Variants in HPSE2 observed in about 807,000 individuals in gnomAD.
HPSE2 encodes inactive heparanase-2.
HPSE2 carries 38 observed loss-of-function variants against 60.5 expected under a neutral mutation model. The ratio of observed to expected loss-of-function variants is 0.63; its 90% CI spans 0.48 to 0.82. HPSE2 has a LOEUF of 0.82. Ranked by LOEUF, HPSE2 falls within the 40% of genes least tolerant of loss-of-function variation. HPSE2 has a pLI of 0.00. For missense variants in HPSE2, 713 were observed against 740.4 expected, an observed-to-expected ratio of 0.96 and a Z score of 0.43; for synonymous variants, 295 against 293.2, an observed-to-expected ratio of 1.01 and a Z score of -0.06.
chr10:98,998,189 C>A, intron 3 of HPSE2, among the ~76,000 whole-genome samples: 1 of 152,190 alleles, frequency 6.6e-6, no homozygotes, highest in East Asian at 1.9e-4. Context: ...TATATTTCAT[C>A]ACAGGCAAAT....
rs563269987 is a variant in HPSE2, at chr10:98,940,391, T to C, written c.611-196335A>G. Among the ~76,000 whole-genome samples, 313 of 142,800 alleles carry C rather than the reference T, an allele frequency of 2.2e-3. 55 individuals carry two copies. Among genetic ancestry groups the C allele is most frequent in the African/African-American group, 8.6e-3 (298 of 34,820 alleles). 93.7% of individuals were successfully genotyped at this position (142,800 alleles called of 152,430 possible). On this transcript the variant is annotated intron_variant, in intron 3 of 11. Transcript: ENST00000370552. ...ATCAAATAGACGCAATAAAAAATGA[T>C]AAAGGGGATATCACCACCGATCCCA... is the stretch of plus-strand genomic sequence containing the variant.
chr10:98,760,992 T>C (rs1308235934), intron 3 of HPSE2, among the ~76,000 whole-genome samples: 1 of 152,098 alleles, frequency 6.6e-6, no homozygotes, highest in Non-Finnish European at 1.5e-5. Flanking sequence ...AGAATCTTAC[T>C]TATTTTTGGT....
chr10:99,062,845 G>A (rs1475833516), intron 3 of HPSE2, among the ~76,000 whole-genome samples: 1 of 152,184 alleles, frequency 6.6e-6, no homozygotes, highest in Non-Finnish European at 1.5e-5. Flanking sequence ...AGAGACCATT[G>A]CAAAACTAAA....
At chr10:99,101,522 T>C (rs1334380305) in intron 3 of HPSE2, among the ~76,000 whole-genome samples, 2 of 152,098 alleles carry the variant, frequency 1.3e-5, no homozygotes, top group Non-Finnish European at 2.9e-5. Flanking sequence ...AGACTTAGAC[T>C]CCCACACAAT....
At chr10:98,923,119 G>A (rs1012159240) in intron 3 of HPSE2, among the ~76,000 whole-genome samples, 2 of 152,290 alleles carry the variant, frequency 1.3e-5, no homozygotes, top group Admixed American at 1.3e-4. Context: ...ATTTGTCTGA[G>A]AATGTCTTTA....
chr10:98,899,700 G>A (rs1441481153), intron 3 of HPSE2, among the ~76,000 whole-genome samples: 3 of 150,582 alleles, frequency 2.0e-5, no homozygotes, highest in Non-Finnish European at 2.9e-5. Flanking sequence ...AAAATTCTTA[G>A]ACATTGCTGA....
At chr10:99,052,191 T>C (rs549077125) in intron 3 of HPSE2, among the ~76,000 whole-genome samples, 4 of 151,316 alleles carry the variant, frequency 2.6e-5, no homozygotes, top group East Asian at 1.9e-4. Flanking sequence ...AGAATGATCA[T>C]GATGAATGAA....
At chr10:98,696,340 G>A (rs1204970659) in intron 5 of HPSE2, among the ~76,000 whole-genome samples, 1 of 143,522 alleles carries the variant, frequency 7.0e-6, no homozygotes, top group African/African-American at 2.6e-5. Flanking sequence ...AGCCAATCCT[G>A]CACCAACAAC....
chr10:98,498,252 C>G (rs1259869294), intron 9 of HPSE2, among the ~76,000 whole-genome samples: 1 of 152,116 alleles, frequency 6.6e-6, no homozygotes, highest in Non-Finnish European at 1.5e-5. Context: ...TCTGCAGGAC[C>G]TGGGAGACAC....
rs114997498 is a variant in HPSE2 at position 98,812,851 on chromosome 10, T to A, written c.611-68795A>T. 3.7e-3 allele frequency among the ~76,000 whole-genome samples: 556 copies of A among 152,298 alleles called. 4 individuals are homozygous for A. The highest frequency in any genetic ancestry group is 0.013 in the African/African-American group (537 of 41,570). Reference sequence around the variant, plus strand: ...TAAAAGCTTTTTTACAATAAATTAATAAGCTTCTCCCCTGAAAGTTCTAAA... The same window carrying A: ...TAAAAGCTTTTTTACAATAAATTAAAAAGCTTCTCCCCTGAAAGTTCTAAA... On this transcript the variant is annotated intron_variant, in intron 3 of 11. Transcript: ENST00000370552.
chr10:98,666,237 C>T (rs1022156972), intron 6 of HPSE2, among the ~76,000 whole-genome samples: 4 of 152,026 alleles, frequency 2.6e-5, no homozygotes, highest in Non-Finnish European at 5.9e-5. Context: ...CCTAACTATC[C>T]TAATATATAT....
Position 98,690,326 on chromosome 10 carries a change from G to A in HPSE2, c.1004+3574C>T, listed in dbSNP as rs559082968. ...GAGGCCAAGGCGGGTGGATCACGAGGTCAGGAGATCAAGACCATCCTGGCT... is the reference window on the plus strand; with the variant it reads ...GAGGCCAAGGCGGGTGGATCACGAGATCAGGAGATCAAGACCATCCTGGCT... On this transcript the variant is annotated intron_variant, in intron 6 of 11. Coordinates refer to ENST00000370552, the MANE Select transcript of HPSE2 (RefSeq NM_021828.5). Among the ~76,000 whole-genome samples the A allele has an allele frequency of 3.3e-5, 5 of 152,262 alleles. No individual in the cohort carries two copies. In the East Asian group the frequency reaches 9.7e-4, roughly 29 times the overall value.
rs117322630 is a variant in HPSE2, at chr10:98,968,374, G to A, written c.610+175864C>T. The stretch of plus-strand genomic sequence containing the variant: ...TAATTGATGTTGGTGTGGGTGTGGT[G>A]AAAAGGGAACATTTTTAACTGCTGG... On this transcript the variant is annotated intron_variant, in intron 3 of 11. Transcript: ENST00000370552. 1.5e-3 allele frequency among the ~76,000 whole-genome samples: 231 copies of A among 152,214 alleles called. 1 individual carries two copies. The highest frequency in any genetic ancestry group is 0.012 in the Admixed American group (180 of 15,296).
intron 4 of HPSE2, among the ~76,000 whole-genome samples, chr10:98,723,251 T>C (rs905641410): frequency 1.3e-4 from 20 of 152,226 alleles, no homozygotes; most frequent in African/African-American, 3.9e-4. Flanking sequence ...GTTCTGTTTA[T>C]ATGCTGGATT....
chr10:98,707,104 A>AG (rs1554973182), intron 5 of HPSE2, among the ~76,000 whole-genome samples: 4 of 151,734 alleles, frequency 2.6e-5, no homozygotes, highest in Non-Finnish European at 5.9e-5. Flanking sequence ...GGAATGAAAA[A>AG]AAAAAGGCCC....
the HPSE2 span, among the ~76,000 whole-genome samples, chr10:99,285,195 T>A: frequency 6.6e-6 from 1 of 151,472 alleles, no homozygotes. Context: ...TTTGGCAGGC[T>A]GAATGGGAGT....
rs1940158010 is a variant in HPSE2, at chr10:98,458,877, C to T, written c.*697G>A. On this transcript the variant is annotated 3_prime_UTR_variant, in exon 12 of 12. Transcript: ENST00000370552. ...AATCTGGATTCACAGAGGAATAGAACCTTCTTACCAAATCTGGAGTGTGAT... is the reference window on the plus strand; with the variant it reads ...AATCTGGATTCACAGAGGAATAGAATCTTCTTACCAAATCTGGAGTGTGAT... 6.4e-6 allele frequency: 1 copy of T among 155,846 alleles called. No homozygotes were observed. Among genetic ancestry groups the T allele is most frequent in the African/African-American group, 2.4e-5 (1 of 41,460 alleles). 9.7% of individuals were successfully genotyped at this position (155,846 alleles called of 1,614,324 possible).
chr10:98,782,593 A>G (rs1251902350), intron 3 of HPSE2, among the ~76,000 whole-genome samples: 1 of 104,496 alleles, frequency 9.6e-6, no homozygotes, highest in Non-Finnish European at 2.0e-5. Flanking sequence ...AGAAGAAATG[A>G]AGTTGAAGAT....
the HPSE2 span, among the ~76,000 whole-genome samples, chr10:99,272,011 G>T: frequency 1.3e-5 from 2 of 152,154 alleles, no homozygotes; most frequent in Non-Finnish European, 2.9e-5. Context: ...AGTGGCTCAC[G>T]CCTGTAATCC....
Sources: gnomAD v4.1 joint callset for allele counts (sites outside exome capture counted in the v4.1 genomes callset) on GRCh38, gnomAD v4.1.1 for gene constraint, MANE v1.5 for transcripts, NCBI Gene and HGNC (gene_info 2026-07-23, HGNC 2026-07-21) for gene names.